The following CTBP2 variants were observed in gnomAD, a reference collection of about 807,000 sequenced individuals.
CTBP2 encodes C-terminal binding protein 2.
CTBP2 carries 30 observed loss-of-function variants against 80.3 expected under a neutral mutation model. The observed-to-expected ratio is 0.37, with a 90% CI of 0.28 to 0.51. CTBP2 has a LOEUF of 0.51. CTBP2 is among the 20% of genes least tolerant of loss of function. CTBP2 has a pLI of 0.93. For missense variants in CTBP2, 1,212 were observed against 1,375.3 expected (o/e 0.88, Z 1.88); for synonymous variants, 594 against 587.4 (o/e 1.01, Z -0.16).
At chr10:125,055,670 G>C (rs1963743372) in intron 2 of CTBP2, among the ~76,000 whole-genome samples, 1 of 152,082 alleles carries the variant, frequency 6.6e-6, no homozygotes, top group African/African-American at 2.4e-5. Context: ...ACACTCCAAG[G>C]GAGAGCTCTC....
At chr10:125,003,807 C>T (rs745452123) in intron 1 of CTBP2, among the ~76,000 whole-genome samples, 2 of 152,158 alleles carry the variant, frequency 1.3e-5, no homozygotes, top group Non-Finnish European at 2.9e-5. Flanking sequence ...CGGGTCCCTG[C>T]ACCGCGTGCC....
intron 2 of CTBP2, among the ~76,000 whole-genome samples, chr10:125,064,000 T>C (rs1238932238): frequency 1.3e-5 from 2 of 152,164 alleles, no homozygotes; most frequent in African/African-American, 4.8e-5. Context: ...GAGGCCATCG[T>C]AATTTAATTA....
intron 2 of CTBP2, among the ~76,000 whole-genome samples, chr10:125,040,599 TACACACACACACAC>T (rs59512017): frequency 5.5e-5 from 8 of 145,976 alleles, no homozygotes; most frequent in African/African-American, 1.5e-4. Context: ...CACAACCACA[TACACACACACACAC>T]ACACACACAC....
At chr10:125,032,526 C>A (rs1958357117), upstream of CTBP2, among the ~76,000 whole-genome samples, 1 of 152,190 alleles carries the variant, frequency 6.6e-6, no homozygotes, top group South Asian at 2.1e-4. Flanking sequence ...GTCCAAAAAA[C>A]CTGCCACTCC....
chr10:125,118,140 A>G (rs1323529592), intron 1 of CTBP2, among the ~76,000 whole-genome samples: 1 of 152,264 alleles, frequency 6.6e-6, no homozygotes, highest in Non-Finnish European at 1.5e-5. Flanking sequence ...AAAATAAAAT[A>G]GGATATGTTT....
Position 124,993,827 on chromosome 10 carries a change from CCTGGTAGGCGG to C in CTBP2, c.2531+17_2531+27del. 1.3e-6 allele frequency: 2 copies of C among 1,599,594 alleles called. No homozygotes were observed. Among genetic ancestry groups the C allele is most frequent in the African/African-American group, 1.3e-5 (1 of 74,626 alleles). ...GGTGTGGAGCTGGGCCCTGTGGGCT[CCTGGTAGGCGG>C]CTGGGGCAACACGCACCTGAAGGGC... On this transcript the variant is annotated intron_variant, in intron 6 of 8. Transcript: ENST00000309035.
At chr10:125,079,150 GAAAAAA>G (rs58370199) in intron 2 of CTBP2, among the ~76,000 whole-genome samples, 1 of 101,156 alleles carries the variant, frequency 9.9e-6, no homozygotes, top group Non-Finnish European at 1.9e-5. Context: ...TTGTCTCGAG[GAAAAAA>G]AAAAAAAAAA....
At position 124,986,285 on chromosome 10, in the gene CTBP2, GCGCGCGCACA is replaced by G. The variant is rs1166367615; in HGVS notation, c.*3223_*3232del. ...TTGGAAAGACGACACACGCACGCGC[GCGCGCGCACA>G]CACACACACACACACACACACACAC... On this transcript the variant is annotated 3_prime_UTR_variant, in exon 9 of 9. Coordinates refer to ENST00000309035, the MANE Select transcript of CTBP2 (RefSeq NM_022802.3). 4.0e-4 allele frequency: 23 copies of G among 57,844 alleles called. No individual in the cohort carries two copies. The highest frequency in any genetic ancestry group is 1.2e-3 in the African/African-American group (22 of 17,922). The allele number at this position is 57,844 out of a possible 1,614,324, so 3.6% of individuals were successfully genotyped here. A position where few individuals can be genotyped will look rare whatever the true frequency, so the allele number is the denominator to read the frequency against.
chr10:124,986,788 T>C lies in CTBP2; in HGVS notation c.*2730A>G, dbSNP rs1952055699. On this transcript the variant is annotated 3_prime_UTR_variant, in exon 9 of 9. Coordinates refer to ENST00000309035, the MANE Select transcript of CTBP2 (RefSeq NM_022802.3). ...TTAGTGGGCAGAGATCCTGTTCTAG[T>C]TGCCTGTTAAGCAAAATCTGCCCTC... 6.6e-6 allele frequency: 1 copy of C among 152,202 alleles called. No individual in the cohort carries two copies. The highest frequency in any genetic ancestry group is 2.4e-5 in the African/African-American group (1 of 41,456). 9.4% of individuals were successfully genotyped at this position (152,202 alleles called of 1,614,324 possible).
Position 125,027,107 on chromosome 10 carries a change from G to A in CTBP2, c.653C>T (p.Pro218Leu), listed in dbSNP as rs772649594. 5 of 1,607,570 alleles carry A rather than the reference G, an allele frequency of 3.1e-6. No homozygotes were observed. In the South Asian group the frequency reaches 5.5e-5, roughly 18 times the overall value. ...CTGTCTGGCAGGGGCAGGGTCAATG[G>A]GTCTTTCGCTGATGTCGCTGAAGAC... Residue 218 changes from proline (P) to leucine (L), a missense_variant, in exon 1 of 9, where the codon CCC (proline) becomes CTC (leucine). Physicochemically the swap from Pro to Leu is moderately conservative, Grantham distance 98. This residue lies in a region of CTBP2 where 848 missense variants were observed against 782.3 expected (regional missense o/e 1.08). Coordinates refer to ENST00000309035, the MANE Select transcript of CTBP2 (RefSeq NM_022802.3).
intron 1 of CTBP2, among the ~76,000 whole-genome samples, chr10:125,127,660 G>A (rs1441792893): frequency 6.6e-6 from 1 of 152,104 alleles, no homozygotes; most frequent in Non-Finnish European, 1.5e-5. Context: ...AAGCAGTTGT[G>A]GGAACCCAGG....
chr10:125,026,465 T>C lies in CTBP2; in HGVS notation c.1295A>G (p.His432Arg), dbSNP rs774076303. The C allele has an allele frequency of 2.5e-6, 4 of 1,599,264 alleles. No individual in the cohort carries two copies. The highest frequency in any genetic ancestry group is 3.4e-6 in the Non-Finnish European group (4 of 1,170,040). ...GCTGTACCCGGAGTTGGAGGGGAAG[T>C]GTGGGGCATGGGTGCCCACGCCAGG... The change falls in exon 1 of 9, where the codon CAC becomes CGC. Residue 432 changes from histidine to arginine, a missense_variant. By Grantham distance (29) the His-to-Arg change is conservative. This residue lies in a region of CTBP2 where 848 missense variants were observed against 782.3 expected (regional missense o/e 1.08). Transcript: ENST00000309035.
At chr10:125,128,046 G>C (rs900191313) in intron 1 of CTBP2, among the ~76,000 whole-genome samples, 2 of 152,148 alleles carry the variant, frequency 1.3e-5, no homozygotes, top group African/African-American at 4.8e-5. Flanking sequence ...CCAGAGACTT[G>C]GAAGAGCTGG....
rs529899162 is a variant in CTBP2, at chr10:125,067,106, A to G, written c.-101-27951T>C. ...CAAAGGCTTACACTTTTTTCTTTCAAGAATTTTTTTATTTAGAGATTACAC... is the reference window on the plus strand; with the variant it reads ...CAAAGGCTTACACTTTTTTCTTTCAGGAATTTTTTTATTTAGAGATTACAC... On this transcript the variant is annotated intron_variant, in intron 2 of 10. Transcript: ENST00000337195. Among the ~76,000 whole-genome samples, 5 of 152,316 alleles carry G rather than the reference A, an allele frequency of 3.3e-5. No individual in the cohort carries two copies. In the South Asian group the frequency reaches 1.0e-3, roughly 32 times the overall value.
At chr10:125,028,752 A>G (rs1184902751), upstream of CTBP2, among the ~76,000 whole-genome samples, 1 of 152,226 alleles carries the variant, frequency 6.6e-6, no homozygotes, top group African/African-American at 2.4e-5. Context: ...AGAACTGGGA[A>G]GCGGCTGCAT....
intron 1 of CTBP2, among the ~76,000 whole-genome samples, chr10:125,008,990 G>C (rs1226028067): frequency 1.3e-5 from 2 of 151,952 alleles, no homozygotes; most frequent in African/African-American, 4.8e-5. Flanking sequence ...CTCTACCTTT[G>C]CCTCTTTAAA....
At chr10:125,039,296 G>A in intron 2 of CTBP2, 141 bp from the exon 3 acceptor site, 1 of 435,682 alleles carries the variant, frequency 2.3e-6, no homozygotes. Context: ...CCAAAGCACT[G>A]GGAATGGAGG....
chr10:125,049,041 CCACAGACACACACACACA>C (rs58158649), intron 2 of CTBP2, among the ~76,000 whole-genome samples: 3,338 of 112,480 alleles, frequency 0.03, 54 homozygotes, highest in East Asian at 0.071. Flanking sequence ...GCCCGCCTGA[CCACAGACACACACACACA>C]CACACACACA....
At chr10:125,155,414 TAC>T (rs1860744954) in intron 1 of CTBP2, among the ~76,000 whole-genome samples, 1 of 151,614 alleles carries the variant, frequency 6.6e-6, no homozygotes, top group African/African-American at 2.4e-5. Flanking sequence ...TTTTTTTTTT[TAC>T]ACAATGTGCA....
Sources: gnomAD v4.1 joint callset for allele counts (sites outside exome capture counted in the v4.1 genomes callset) on GRCh38, gnomAD v4.1.1 for gene constraint, gnomAD v4.1.1 regional missense constraint, MANE v1.5 for transcripts, NCBI Gene and HGNC (gene_info 2026-07-23, HGNC 2026-07-21) for gene names.